SH3TC2: variants seen among roughly 807,000 people sequenced by gnomAD.
SH3TC2 encodes SH3 domain and tetratricopeptide repeat-containing protein 2.
SH3TC2 carries 87 observed loss-of-function variants against 124.5 expected under a neutral mutation model. The observed-to-expected ratio is 0.70, with a 90% CI of 0.59 to 0.84. The LOEUF (loss-of-function observed/expected upper bound fraction) is 0.84. Among genes scored for constraint, SH3TC2 ranks in the 40% least tolerant of loss-of-function variants. The pLI is 0.00. For synonymous variants in SH3TC2, 634 were observed against 628.5 expected (o/e 1.01, Z -0.13); for missense variants, 1,536 against 1,566.4 (o/e 0.98, Z 0.33).
rs147895061 is a variant in SH3TC2 at position 149,026,612 on chromosome 5, C to T, written c.3013G>A (p.Glu1005Lys). 39 of 1,614,084 alleles carry T rather than the reference C, an allele frequency of 2.4e-5. No homozygotes were observed. Among genetic ancestry groups the T allele is most frequent in the Non-Finnish European group, 3.3e-5 (39 of 1,180,044 alleles). The part of the protein sequence containing the change: ...RDREMEGRLL[E>K]SLGQLYRNLN... ...TTCCGATAAAGCTGCCCCAGGGACT[C>T]CAGCAGCCTCCCTTCCATCTCCCGG... The change falls in exon 12 of 17, where the codon GAG becomes AAG. Residue 1005 changes from glutamate (E) to lysine (K), a missense_variant. Transcript: ENST00000515425.
intron 12 of SH3TC2, among the ~76,000 whole-genome samples, chr5:149,013,101 C>T (rs1487470946): frequency 6.6e-6 from 1 of 152,100 alleles, no homozygotes; most frequent in Admixed American, 6.5e-5. Flanking sequence ...ATGCATGGTC[C>T]ATCAACCCTT....
rs757564821 is a variant in SH3TC2 at position 148,994,218 on chromosome 5, G to C, written c.*10493C>G. Reference sequence around the variant, plus strand: ...AGGCTTGGACTGGTGTCCTGAAGCTGCCACTCTCTATCTACAGGACTTTGG... The same window carrying C: ...AGGCTTGGACTGGTGTCCTGAAGCTCCCACTCTCTATCTACAGGACTTTGG... On this transcript the variant is annotated 3_prime_UTR_variant, in exon 17 of 17. Coordinates refer to ENST00000515425, the MANE Select transcript of SH3TC2 (RefSeq NM_024577.4). 6.6e-6 allele frequency among the ~76,000 whole-genome samples: 1 copy of C among 152,198 alleles called. No individual in the cohort carries two copies. The highest frequency in any genetic ancestry group is 1.5e-5 in the Non-Finnish European group (1 of 68,044).
chr5:149,031,635 G>C lies in SH3TC2; in HGVS notation c.1054C>G (p.Leu352Val). ...SDEERCSLLA[L>V]GSDKQTECSS... The stretch of plus-strand genomic sequence containing the variant: ...CACTCAGTCTGCTTATCACTTCCCA[G>C]GGCCAACAGGGAGCATCTCTCCTCA... The change falls in exon 9 of 17, where the codon CTG becomes GTG. Residue 352 changes from leucine (L) to valine (V), a missense_variant. By Grantham distance (32) the Leu-to-Val change is conservative. Coordinates refer to ENST00000515425, the MANE Select transcript of SH3TC2 (RefSeq NM_024577.4). 1 of 1,614,096 alleles carries C rather than the reference G, an allele frequency of 6.2e-7. No homozygotes were observed. The highest frequency in any genetic ancestry group is 1.1e-5 in the South Asian group (1 of 91,082).
chr5:149,051,723 G>A (rs1431025072), intron 2 of SH3TC2, among the ~76,000 whole-genome samples: 3 of 152,084 alleles, frequency 2.0e-5, no homozygotes. Flanking sequence ...CAAAGTGCTG[G>A]GATTACAGGT....
chr5:149,058,426 A>G (rs1451309459), intron 1 of SH3TC2, among the ~76,000 whole-genome samples: 1 of 152,110 alleles, frequency 6.6e-6, no homozygotes, highest in Non-Finnish European at 1.5e-5. Flanking sequence ...TTCAATGTGC[A>G]TTTCCCTAAT....
At chr5:149,039,666 G>A (rs1561769142) in intron 7 of SH3TC2, among the ~76,000 whole-genome samples, 2 of 152,174 alleles carry the variant, frequency 1.3e-5, no homozygotes, top group Non-Finnish European at 2.9e-5. Flanking sequence ...CAACATTTAA[G>A]TTGGTTTTAT....
chr5:149,023,583 C>CTTTTTTTTT lies in SH3TC2; in HGVS notation c.3053+2980_3053+2988dup, dbSNP rs5872108. Among the ~76,000 whole-genome samples the CTTTTTTTTT allele has an allele frequency of 3.5e-4, 37 of 107,242 alleles. 4 individuals carry two copies. Among genetic ancestry groups the CTTTTTTTTT allele is most frequent in the African/African-American group, 1.4e-3 (36 of 26,508 alleles). The allele number at this position is 107,242 out of a possible 152,430, so 70.4% of individuals were successfully genotyped here. A position where few individuals can be genotyped will look rare whatever the true frequency, so the allele number is the denominator to read the frequency against. The stretch of plus-strand genomic sequence containing the variant: ...TATAACCTTCAATAATAGTGTAATC[C>CTTTTTTTTT]TTTTTTTTTTTTTTTTTTGAGAGAC... On this transcript the variant is annotated intron_variant, in intron 12 of 16. Transcript: ENST00000515425.
At chr5:149,009,127 G>T (rs1753741429) in intron 14 of SH3TC2, 126 bp from the exon 15 acceptor site, 1 of 1,112,954 alleles carries the variant, frequency 9.0e-7, no homozygotes. Context: ...AGGGGAGTCA[G>T]CCATGTTTCC....
In SH3TC2 at chr5:148,998,983, A is replaced by G. The variant is rs1431625978; in HGVS notation, c.*5728T>C. On this transcript the variant is annotated 3_prime_UTR_variant, in exon 17 of 17. Transcript: ENST00000515425. ...CCTCCCGCTTAACGGTGTGGGACCC[A>G]GGAATAGATGTGCTTATTAAGAATC... Among the ~76,000 whole-genome samples, 2 of 152,212 alleles carry G rather than the reference A, an allele frequency of 1.3e-5. No homozygotes were observed. Among genetic ancestry groups the G allele is most frequent in the African/African-American group, 4.8e-5 (2 of 41,448 alleles).
Position 148,993,780 on chromosome 5 carries a change from C to T in SH3TC2, c.*10931G>A, listed in dbSNP as rs1753459007. The stretch of plus-strand genomic sequence containing the variant: ...CACTTGAATAGCCAAGCATCTAGCC[C>T]AGATTACATTCCTCTAAGCATGCCT... On this transcript the variant is annotated 3_prime_UTR_variant, in exon 17 of 17. Transcript: ENST00000515425. Among the ~76,000 whole-genome samples the T allele has an allele frequency of 6.6e-6, 1 of 152,192 alleles. No individual in the cohort carries two copies. The highest frequency in any genetic ancestry group is 2.1e-4 in the South Asian group (1 of 4,826).
At chr5:149,014,424 C>T (rs1000158718) in intron 12 of SH3TC2, among the ~76,000 whole-genome samples, 5 of 152,174 alleles carry the variant, frequency 3.3e-5, no homozygotes, top group Non-Finnish European at 5.9e-5. Flanking sequence ...ACGTGGTTAC[C>T]ACTTGATTAT....
At chr5:149,034,887 T>C (rs191756963) in intron 8 of SH3TC2, among the ~76,000 whole-genome samples, 6 of 152,314 alleles carry the variant, frequency 3.9e-5, no homozygotes, top group East Asian at 3.9e-4. Flanking sequence ...TATTTTTTCC[T>C]GCAAACTTTG....
rs961873933 is a variant in SH3TC2 at position 148,983,226 on chromosome 5, G to A, written c.*21485C>T. Among the ~76,000 whole-genome samples, 7 of 142,236 alleles carry A rather than the reference G, an allele frequency of 4.9e-5. No individual in the cohort carries two copies. Among genetic ancestry groups the A allele is most frequent in the East Asian group, 2.4e-4 (1 of 4,196 alleles). The allele number at this position is 142,236 out of a possible 152,430, so 93.3% of individuals were successfully genotyped here. A position where few individuals can be genotyped will look rare whatever the true frequency, so the allele number is the denominator to read the frequency against. On this transcript the variant is annotated 3_prime_UTR_variant, in exon 17 of 17. Coordinates refer to ENST00000515425, the MANE Select transcript of SH3TC2 (RefSeq NM_024577.4). ...TATTTTTTGTTACTTTGCTTCATTC[G>A]TTTGTTTGTTTTTCAAATTGCCACT...
chr5:149,024,133 C>T (rs1244972102), intron 12 of SH3TC2, among the ~76,000 whole-genome samples: 1 of 152,180 alleles, frequency 6.6e-6, no homozygotes, highest in African/African-American at 2.4e-5. Context: ...AAGCTGCAAA[C>T]ACCTTTCTTT....
At chr5:149,047,546 C>A in intron 3 of SH3TC2, 1 of 332,140 alleles carries the variant, frequency 3.0e-6, no homozygotes, top group Non-Finnish European at 5.8e-6. Flanking sequence ...AAAAAGTATA[C>A]TTAATGAGGT....
At chr5:149,036,902 T>C (rs141908963) in intron 8 of SH3TC2, among the ~76,000 whole-genome samples, 1 of 152,154 alleles carries the variant, frequency 6.6e-6, no homozygotes, top group African/African-American at 2.4e-5. Context: ...TCTCACCCTT[T>C]TCTAAGTGCC....
At position 148,996,126 on chromosome 5, in the gene SH3TC2, C is replaced by G. The variant is rs1753506077; in HGVS notation, c.*8585G>C. Among the ~76,000 whole-genome samples, 1 of 151,916 alleles carries G rather than the reference C, an allele frequency of 6.6e-6. No individual in the cohort carries two copies. The highest frequency in any genetic ancestry group is 1.5e-5 in the Non-Finnish European group (1 of 68,018). On this transcript the variant is annotated 3_prime_UTR_variant, in exon 17 of 17. Transcript: ENST00000515425. ...AATTAGCTGGGAGTGGTTGTACATG[C>G]CTGTAGTCCCAGCTACTCGGGAGGC...
intron 12 of SH3TC2, among the ~76,000 whole-genome samples, chr5:149,019,888 T>A (rs1349937322): frequency 6.6e-6 from 1 of 152,120 alleles, no homozygotes; most frequent in African/African-American, 2.4e-5. Flanking sequence ...GAGCTTGAAA[T>A]ACCCCAAAGT....
At chr5:149,050,119 G>C (rs1754531852) in intron 2 of SH3TC2, among the ~76,000 whole-genome samples, 2 of 152,118 alleles carry the variant, frequency 1.3e-5, no homozygotes, top group African/African-American at 4.8e-5. Flanking sequence ...TATGTATATG[G>C]AACTCAAAAG....
Sources: gnomAD v4.1 joint callset for allele counts (sites outside exome capture counted in the v4.1 genomes callset) on GRCh38, gnomAD v4.1.1 for gene constraint, MANE v1.5 for transcripts, NCBI Gene and HGNC (gene_info 2026-07-23, HGNC 2026-07-21) for gene names.